Variants in PLEKHA4 observed in about 807,000 individuals in gnomAD.
PLEKHA4 encodes the protein pleckstrin homology domain containing A4.
Under a neutral mutation model 94.7 loss-of-function variants are expected in PLEKHA4, and 73 were observed. That is an observed-to-expected ratio of 0.77 (90% confidence interval 0.64 to 0.94). PLEKHA4 has a LOEUF of 0.94. PLEKHA4 is among the 40% of genes least tolerant of loss of function. The probability of loss-of-function intolerance (pLI) is 0.00; values close to 1 mark genes in which losing one functional copy is unlikely to be tolerated. For missense variants in PLEKHA4, 1,049 were observed against 1,054.1 expected, an observed-to-expected ratio of 1.00 and a Z score of 0.07; for synonymous variants, 449 against 437.1, an observed-to-expected ratio of 1.03 and a Z score of -0.34.
chr19:48,857,280 AC>A, intron 9 of PLEKHA4, 141 bp downstream of exon 9: 1 of 543,480 alleles, frequency 1.8e-6, no homozygotes, highest in East Asian at 3.4e-5. Context: ...TGTTACAGCC[AC>A]CACATGAATC....
At chr19:48,862,204 C>CTTTTCT (rs1555784618) in intron 3 of PLEKHA4, among the ~76,000 whole-genome samples, 1 of 135,526 alleles carries the variant, frequency 7.4e-6, no homozygotes, top group Non-Finnish European at 1.6e-5. Flanking sequence ...TTTTCTCTCT[C>CTTTTCT]TTTTTTTTTT....
At chr19:48,865,157 A>G (rs1233789661) in intron 3 of PLEKHA4, among the ~76,000 whole-genome samples, 3 of 151,964 alleles carry the variant, frequency 2.0e-5, no homozygotes, top group Non-Finnish European at 4.4e-5. Flanking sequence ...CGCCCTGGCC[A>G]ACATGATAAA....
intron 13 of PLEKHA4, among the ~76,000 whole-genome samples, chr19:48,849,720 C>A (rs2036107293): frequency 6.6e-6 from 1 of 152,120 alleles, no homozygotes. Flanking sequence ...AGAGCTTGCA[C>A]TAAAGGAATG....
chr19:48,837,136 A>C lies in PLEKHA4; in HGVS notation c.*153T>G. On this transcript the variant is annotated 3_prime_UTR_variant, in exon 20 of 20. Coordinates refer to ENST00000263265, the MANE Select transcript of PLEKHA4 (RefSeq NM_020904.3). This position sits in a 1 kb window ranked among gnomAD's most constrained non-coding sequence, Gnocchi z 4.3. ...TTTAATCCAAATTTAGACAGTGTTGAGAAAACCAAACTTTGGCCATAGAAA... is the reference window on the plus strand; with the variant it reads ...TTTAATCCAAATTTAGACAGTGTTGCGAAAACCAAACTTTGGCCATAGAAA... 1 of 1,057,430 alleles carries C rather than the reference A, an allele frequency of 9.5e-7. No homozygotes were observed. The highest frequency in any genetic ancestry group is 1.4e-5 in the South Asian group (1 of 72,566). 65.5% of individuals were successfully genotyped at this position (1,057,430 alleles called of 1,614,324 possible). A position where few individuals can be genotyped will look rare whatever the true frequency, so the allele number is the denominator to read the frequency against.
intron 3 of PLEKHA4, among the ~76,000 whole-genome samples, chr19:48,863,428 T>TTTTG (rs1389343659): frequency 7.4e-6 from 1 of 135,328 alleles, no homozygotes; most frequent in Non-Finnish European, 1.6e-5. Context: ...AATTTAGGTT[T>TTTTG]TTTGTTTTTT....
rs1481097526 is a variant in PLEKHA4, at chr19:48,861,381, A to G, written c.366+20T>C. The G allele has an allele frequency of 6.2e-7, 1 of 1,602,992 alleles. No homozygotes were observed. Among genetic ancestry groups the G allele is most frequent in the African/African-American group, 1.3e-5 (1 of 74,822 alleles). On this transcript the variant is annotated intron_variant, in intron 5 of 19. Coordinates refer to ENST00000263265, the MANE Select transcript of PLEKHA4 (RefSeq NM_020904.3). ...TCCAGTTCCCATCGCCTGGTGCACA[A>G]CATGGATGGATGGACTCACGGTGAA...
intron 2 of PLEKHA4, among the ~76,000 whole-genome samples, chr19:48,866,046 G>A (rs1346824621): frequency 6.6e-6 from 1 of 151,726 alleles, no homozygotes; most frequent in Admixed American, 6.6e-5. Context: ...AAAGAAAAGG[G>A]TCAAGGTGGG....
intron 3 of PLEKHA4, among the ~76,000 whole-genome samples, chr19:48,865,082 G>A (rs1275447012): frequency 5.9e-5 from 9 of 152,096 alleles, no homozygotes; most frequent in Admixed American, 2.0e-4. Flanking sequence ...GGTGGCTCAC[G>A]CCTGTAATCC....
chr19:48,839,955 A>AC (rs1159892225), intron 17 of PLEKHA4, among the ~76,000 whole-genome samples: 9 of 151,752 alleles, frequency 5.9e-5, no homozygotes, highest in Admixed American at 1.3e-4. Context: ...CAAAAAAAAA[A>AC]AAATTAGCAG....
chr19:48,858,627 C>CAAAAAAAAAAAAAAAAAAAAAAAAAAAA lies in PLEKHA4; in HGVS notation c.972+232_972+233insTTTTTTTTTTTTTTTTTTTTTTTTTTTT, dbSNP rs56663437. ...TGGCGACAGAGCAAGACCTCAGTCTCAAAAAAAAAAAAAAAAAGCAATGGC... is the reference window on the plus strand; with the variant it reads ...TGGCGACAGAGCAAGACCTCAGTCTCAAAAAAAAAAAAAAAAAAAAAAAAAAAAAAAAAAAAAAAAAAAAAGCAATGGC... On this transcript the variant is annotated intron_variant, in intron 8 of 19. Coordinates refer to ENST00000263265, the MANE Select transcript of PLEKHA4 (RefSeq NM_020904.3). Among the ~76,000 whole-genome samples the CAAAAAAAAAAAAAAAAAAAAAAAAAAAA allele has an allele frequency of 2.5e-4, 16 of 63,436 alleles. 1 individual carries two copies. Among genetic ancestry groups the CAAAAAAAAAAAAAAAAAAAAAAAAAAAA allele is most frequent in the African/African-American group, 5.4e-4 (5 of 9,238 alleles). The allele number at this position is 63,436 out of a possible 152,430, so 41.6% of individuals were successfully genotyped here. A position where few individuals can be genotyped will look rare whatever the true frequency, so the allele number is the denominator to read the frequency against.
At chr19:48,857,651 C>A (rs1412170484) in intron 8 of PLEKHA4, among the ~76,000 whole-genome samples, 155 bp from the exon 9 acceptor site, 1 of 151,424 alleles carries the variant, frequency 6.6e-6, no homozygotes, top group East Asian at 1.9e-4. Flanking sequence ...GTGCTGTGTC[C>A]ACTCAGGGTT....
At chr19:48,844,613 G>A (rs964362750) in intron 16 of PLEKHA4, 15 of 985,038 alleles carry the variant, frequency 1.5e-5, no homozygotes, top group Middle Eastern at 5.2e-4. Flanking sequence ...TGATGGATCC[G>A]TACTTCTGAA....
At chr19:48,846,734 C>T (rs1015103116) in intron 14 of PLEKHA4, among the ~76,000 whole-genome samples, 1 of 152,174 alleles carries the variant, frequency 6.6e-6, no homozygotes, top group African/African-American at 2.4e-5. Flanking sequence ...CACCACTGCA[C>T]TCCAGCCTGG....
At chr19:48,865,705 G>A in intron 2 of PLEKHA4, 95 bp from the exon 3 acceptor site, 1 of 806,900 alleles carries the variant, frequency 1.2e-6, no homozygotes, top group Admixed American at 2.4e-5. Flanking sequence ...GCTCTCGCTT[G>A]GCTGCCCTGA....
rs2035603615 is a variant in PLEKHA4, at chr19:48,838,004, C to A, written c.2077+13G>T. ...CCCTAAAACCCAGAAGTCCAACATC[C>A]CCAGCCAGTCACCTGTCATCATTCT... is the stretch of plus-strand genomic sequence containing the variant. On this transcript the variant is annotated intron_variant, in intron 19 of 19. Coordinates refer to ENST00000263265, the MANE Select transcript of PLEKHA4 (RefSeq NM_020904.3). 1 of 1,600,166 alleles carries A rather than the reference C, an allele frequency of 6.2e-7. No homozygotes were observed. The highest frequency in any genetic ancestry group is 1.1e-5 in the South Asian group (1 of 90,696).
chr19:48,857,792 T>C (rs148617148), intron 8 of PLEKHA4, among the ~76,000 whole-genome samples: 2,522 of 150,658 alleles, frequency 0.017, 61 homozygotes, highest in African/African-American at 0.057. Context: ...GGCCGCAGGG[T>C]CCTCTGCCTA....
chr19:48,837,985 A>C lies in PLEKHA4; in HGVS notation c.2077+32T>G. On this transcript the variant is annotated intron_variant, in intron 19 of 19. Transcript: ENST00000263265. The surrounding 1 kb of genome is among the most constrained non-coding windows in gnomAD (Gnocchi z 4.3). ...AGGTCTCCAGCTCTCTCCTCCCTAA[A>C]ACCCAGAAGTCCAACATCCCCAGCC... 1 of 1,558,262 alleles carries C rather than the reference A, an allele frequency of 6.4e-7. No homozygotes were observed. The highest frequency in any genetic ancestry group is 8.8e-7 in the Non-Finnish European group (1 of 1,132,160).
Position 48,852,281 on chromosome 19 carries a change from G to T in PLEKHA4, c.1372C>A (p.Leu458Met), listed in dbSNP as rs748021036. ...WDTYSGLEQE[L>M]GTLRETLEYL... ...TCCAGCGTCTCTCTTAAGGTGCCCA[G>T]CTCCTGCTCCAGGCCACTGTACGTG... Residue 458 changes from leucine to methionine, a missense_variant, in exon 13 of 20, where the codon CTG becomes ATG. Physicochemically the swap from Leu to Met is conservative, Grantham distance 15. Transcript: ENST00000263265. The T allele has an allele frequency of 2.5e-6, 4 of 1,614,074 alleles. No individual in the cohort carries two copies. Among genetic ancestry groups the T allele is most frequent in the Non-Finnish European group, 2.5e-6 (3 of 1,180,026 alleles).
chr19:48,857,386 G>A (rs1452418568), intron 9 of PLEKHA4, 36 bp downstream of exon 9: 1 of 884,094 alleles, frequency 1.1e-6, no homozygotes, highest in Non-Finnish European at 1.8e-6. Flanking sequence ...GAAGGGAGGG[G>A]GCTCCGGTAG....
Sources: gnomAD v4.1 joint callset for allele counts (sites outside exome capture counted in the v4.1 genomes callset) on GRCh38, gnomAD v4.1.1 for gene constraint, Gnocchi (gnomAD v3.1) non-coding constraint, MANE v1.5 for transcripts, NCBI Gene and HGNC (gene_info 2026-07-23, HGNC 2026-07-21) for gene names.